The following VGLL1 variants were observed in gnomAD, a reference collection of about 807,000 sequenced individuals.
The protein encoded by VGLL1 is transcription cofactor vestigial-like protein 1.
Under a neutral mutation model 12.0 loss-of-function variants are expected in VGLL1, and 4 were observed. The observed-to-expected ratio is 0.33, with a 90% CI of 0.16 to 0.76. The LOEUF (loss-of-function observed/expected upper bound fraction) is 0.76. Ranked by LOEUF, VGLL1 falls within the 30% of genes least tolerant of loss-of-function variation. VGLL1 has a pLI of 0.60. For synonymous variants in VGLL1, 87 were observed against 81.2 expected (o/e 1.07, Z -0.39); for missense variants, 204 against 208.7 (o/e 0.98, Z 0.14).
chrX:136,534,791 G>T (rs1002632090), intron 1 of VGLL1, among the ~76,000 whole-genome samples: 5 of 111,888 alleles, frequency 4.5e-5, no homozygotes, highest in Non-Finnish European at 9.4e-5. Context: ...TCGTTTTTGA[G>T]CTAGTACCTG....
At chrX:136,540,781 G>T (rs757294525) in intron 2 of VGLL1, among the ~76,000 whole-genome samples, 21 of 111,358 alleles carry the variant, frequency 1.9e-4, no homozygotes, top group Non-Finnish European at 2.6e-4. Context: ...ATCACAAGGT[G>T]TTGACCCTAC....
At position 136,540,515 on chromosome X, in the gene VGLL1, C is replaced by T. The variant is rs138073663; in HGVS notation, c.214+4281C>T. On this transcript the variant is annotated intron_variant, in intron 2 of 4. Coordinates refer to ENST00000370634, the MANE Select transcript of VGLL1 (RefSeq NM_016267.4). ...CTTCAAACAGTCCTTGTCTGAGCAA[C>T]CTATTTAAAAAATGAAAGCCCCCAC... 4.5e-4 allele frequency among the ~76,000 whole-genome samples: 50 copies of T among 111,561 alleles called. No individual in the cohort carries two copies. The East Asian group carries it at 0.013, about 30-fold the overall frequency.
At chrX:136,532,644 TCTTTCTTTCTTTCTTTC>T (rs1258549296) in intron 1 of VGLL1, among the ~76,000 whole-genome samples, 37 of 90,556 alleles carry the variant, frequency 4.1e-4, no homozygotes, top group African/African-American at 1.4e-3. Flanking sequence ...TTTCTTTCTT[TCTTTCTTTCTTTCTTTC>T]TTTTTCTTTC....
chrX:136,532,789 G>T (rs1033132177), intron 1 of VGLL1, among the ~76,000 whole-genome samples: 9 of 106,578 alleles, frequency 8.4e-5, no homozygotes, highest in African/African-American at 3.1e-4. Flanking sequence ...GTTGCAAACT[G>T]CCTGTTGTTT....
intron 1 of VGLL1, among the ~76,000 whole-genome samples, chrX:136,532,593 CTTTCTTTCTTTCT>C (rs2075826208): frequency 3.3e-5 from 2 of 60,826 alleles, no homozygotes; most frequent in East Asian, 4.6e-4. Flanking sequence ...TTCTTTCTTT[CTTTCTTTCTTTCT>C]TTCTTTCTTT....
At chrX:136,545,889 G>A (rs927244503) in intron 2 of VGLL1, among the ~76,000 whole-genome samples, 7 of 111,497 alleles carry the variant, frequency 6.3e-5, no homozygotes, top group African/African-American at 2.0e-4. Flanking sequence ...AGGGCAGTGC[G>A]GGAAATGGAG....
At chrX:136,552,986 G>A (rs976441349) in intron 4 of VGLL1, among the ~76,000 whole-genome samples, 3 of 111,846 alleles carry the variant, frequency 2.7e-5, no homozygotes, top group African/African-American at 9.8e-5. Context: ...GAAAGAAGGT[G>A]GGGGATGTTC....
chrX:136,550,628 T>G, intron 3 of VGLL1, 140 bp from the exon 4 acceptor site: 2 of 432,055 alleles, frequency 4.6e-6, no homozygotes, highest in Non-Finnish European at 8.0e-6. Context: ...TCAGTTTTTG[T>G]AGCATCTGAT....
At chrX:136,551,675 T>C (rs754610250) in intron 4 of VGLL1, among the ~76,000 whole-genome samples, 21 of 112,056 alleles carry the variant, frequency 1.9e-4, no homozygotes, top group African/African-American at 6.5e-4. Flanking sequence ...ATACCAATGC[T>C]TAGAATAATG....
At chrX:136,533,012 G>T (rs111697712) in intron 1 of VGLL1, among the ~76,000 whole-genome samples, 3 of 111,313 alleles carry the variant, frequency 2.7e-5, no homozygotes, top group African/African-American at 9.8e-5. Context: ...ATTAATTCAT[G>T]AATGAAGAGA....
chrX:136,540,751 C>A (rs187433697), intron 2 of VGLL1, among the ~76,000 whole-genome samples: 3 of 111,487 alleles, frequency 2.7e-5, no homozygotes, highest in African/African-American at 9.8e-5. Flanking sequence ...ACGGCTTGAA[C>A]GAATGAAATT....
rs373303409 is a variant in VGLL1 at position 136,536,128 on chromosome X, C to T, written c.108C>T (p.Asp36=). The T allele has an allele frequency of 1.7e-5, 20 of 1,209,251 alleles. No individual in the cohort carries two copies. In the African/African-American group the frequency reaches 3.3e-4, roughly 20 times the overall value. The part of the protein sequence containing the change: ...RCVLFTYFQG[D]ISSVVDEHFS... ...TCCTTTTCACCTACTTCCAAGGGGA[C>T]ATCAGCAGCGTAGTGGATGAACACT... Residue 36 remains aspartate, a synonymous_variant, in exon 2 of 5, where the codon GAC becomes GAT. Coordinates refer to ENST00000370634, the MANE Select transcript of VGLL1 (RefSeq NM_016267.4).
intron 1 of VGLL1, among the ~76,000 whole-genome samples, chrX:136,535,634 G>A (rs1011334614): frequency 1.2e-4 from 13 of 111,418 alleles, no homozygotes; most frequent in Non-Finnish European, 2.3e-4. Context: ...TGGCTCATTC[G>A]TTTAGGAGAA....
chrX:136,552,240 G>A (rs1011130931), intron 4 of VGLL1, among the ~76,000 whole-genome samples: 9 of 112,092 alleles, frequency 8.0e-5, no homozygotes, highest in Non-Finnish European at 1.5e-4. Flanking sequence ...TGATGCCTTC[G>A]TGTGAGAGAC....
At chrX:136,548,069 C>T (rs1362524143) in intron 2 of VGLL1, among the ~76,000 whole-genome samples, 8 of 111,296 alleles carry the variant, frequency 7.2e-5, no homozygotes, top group Non-Finnish European at 9.4e-5. Context: ...GGAGCAATCT[C>T]GGCCTACTGC....
At chrX:136,541,923 T>C (rs2075857230) in intron 2 of VGLL1, among the ~76,000 whole-genome samples, 1 of 112,371 alleles carries the variant, frequency 8.9e-6, no homozygotes, top group Admixed American at 9.4e-5. Flanking sequence ...TATCTCCCTT[T>C]TAAAAGGACA....
chrX:136,550,435 A>G (rs2075882498), intron 3 of VGLL1: 2 of 175,442 alleles, frequency 1.1e-5, no homozygotes, highest in Non-Finnish European at 2.1e-5. Flanking sequence ...GCATTGTCCT[A>G]TTCCTGAAAT....
At chrX:136,546,530 G>A (rs1183277512) in intron 2 of VGLL1, among the ~76,000 whole-genome samples, 1 of 112,279 alleles carries the variant, frequency 8.9e-6, no homozygotes, top group Non-Finnish European at 1.9e-5. Context: ...ATAGGACTTT[G>A]GGCTGTGGCA....
intron 2 of VGLL1, among the ~76,000 whole-genome samples, chrX:136,540,325 AC>A (rs1462802065): frequency 9.0e-6 from 1 of 110,936 alleles, no homozygotes; most frequent in African/African-American, 3.3e-5. Context: ...TTTCTGCCTC[AC>A]CCGCTCCAGT....
Sources: gnomAD v4.1 joint callset for allele counts (sites outside exome capture counted in the v4.1 genomes callset) on GRCh38, gnomAD v4.1.1 for gene constraint, MANE v1.5 for transcripts, NCBI Gene and HGNC (gene_info 2026-07-23, HGNC 2026-07-21) for gene names.